IL17RD: variants seen among roughly 807,000 people sequenced by gnomAD.
IL17RD encodes interleukin-17 receptor D.
IL17RD carries 52 observed loss-of-function variants against 80.5 expected under a neutral mutation model. The ratio of observed to expected loss-of-function variants is 0.65; its 90% CI spans 0.52 to 0.81. IL17RD has a LOEUF of 0.81. Among genes scored for constraint, IL17RD ranks in the 40% least tolerant of loss-of-function variants. The probability of loss-of-function intolerance (pLI) is 0.00; values close to 1 mark genes in which losing one functional copy is unlikely to be tolerated. For synonymous variants in IL17RD, 416 were observed against 391.8 expected (o/e 1.06, Z -0.73); for missense variants, 1,024 against 955.1 (o/e 1.07, Z -0.95).
In IL17RD at chr3:57,095,248, T is replaced by C. The variant is rs1056153834; in HGVS notation, c.*1145A>G. 2.6e-5 allele frequency: 4 copies of C among 152,270 alleles called. No individual in the cohort carries two copies. The highest frequency in any genetic ancestry group is 6.5e-5 in the Admixed American group (1 of 15,280). 9.4% of individuals were successfully genotyped at this position (152,270 alleles called of 1,614,324 possible). On this transcript the variant is annotated 3_prime_UTR_variant, in exon 13 of 13. Coordinates refer to ENST00000296318, the MANE Select transcript of IL17RD (RefSeq NM_017563.5). Reference sequence around the variant, plus strand: ...TCCACAGGGGAGACCAAGACAGCATTCATTACACACATGCTAATCATCAGA... The same window carrying C: ...TCCACAGGGGAGACCAAGACAGCATCCATTACACACATGCTAATCATCAGA...
At position 57,155,195 on chromosome 3, in the gene IL17RD, A is replaced by G. The variant is rs115483219; in HGVS notation, c.126+9966T>C. ...CAAAAACGAGACCTGCACCTCTGTT[A>G]AGAAGACAAAGTTTCATACAAACTG... On this transcript the variant is annotated intron_variant, in intron 1 of 12. Coordinates refer to ENST00000296318, the MANE Select transcript of IL17RD (RefSeq NM_017563.5). Among the ~76,000 whole-genome samples the G allele has an allele frequency of 3.7e-3, 571 of 152,370 alleles. 3 individuals carry two copies. Among genetic ancestry groups the G allele is most frequent in the African/African-American group, 0.013 (542 of 41,598 alleles).
intron 7 of IL17RD, among the ~76,000 whole-genome samples, chr3:57,105,552 A>AAAAAAAAAAAAAAAAAAAAATAT: frequency 3.1e-5 from 2 of 63,588 alleles, no homozygotes; most frequent in Non-Finnish European, 5.6e-5. Flanking sequence ...AAAAAAAAAA[A>AAAAAAAAAAAAAAAAAAAAATAT]ATATATATAT....
chr3:57,147,889 T>A (rs1217857727), intron 1 of IL17RD, among the ~76,000 whole-genome samples: 1 of 152,182 alleles, frequency 6.6e-6, no homozygotes, highest in African/African-American at 2.4e-5. Context: ...AGCTTAATAC[T>A]CAGTAAGCTT....
chr3:57,156,931 T>C (rs999901065), intron 1 of IL17RD, among the ~76,000 whole-genome samples: 5 of 152,180 alleles, frequency 3.3e-5, no homozygotes, highest in African/African-American at 9.6e-5. Flanking sequence ...CCACGAACCA[T>C]TGAAATTCAA....
At chr3:57,129,432 A>G (rs1707561057) in intron 1 of IL17RD, among the ~76,000 whole-genome samples, 1 of 152,174 alleles carries the variant, frequency 6.6e-6, no homozygotes, top group African/African-American at 2.4e-5. Context: ...CACAACTACT[A>G]ATGAAAAGCC....
At chr3:57,110,070 C>G in intron 4 of IL17RD, 123 bp downstream of exon 4, 1 of 1,115,632 alleles carries the variant, frequency 9.0e-7, no homozygotes, top group Non-Finnish European at 1.3e-6. Context: ...CCATTCTTGC[C>G]CACCTTGGCG....
intron 2 of IL17RD, among the ~76,000 whole-genome samples, chr3:57,116,140 A>G (rs1445787139): frequency 6.6e-6 from 1 of 152,166 alleles, no homozygotes; most frequent in Non-Finnish European, 1.5e-5. Flanking sequence ...ACACTAAAAC[A>G]CAACCCCCAT....
upstream of IL17RD, among the ~76,000 whole-genome samples, chr3:57,166,728 C>G (rs548531389): frequency 6.6e-6 from 1 of 152,188 alleles, no homozygotes; most frequent in African/African-American, 2.4e-5. Flanking sequence ...CTGCACAGAA[C>G]TCCCCCCAGC....
chr3:57,098,096 C>A lies in IL17RD; in HGVS notation c.1607G>T (p.Ser536Ile). Residue 536 changes from serine (S) to isoleucine (I), a missense_variant, in exon 12 of 13, where the codon AGC (serine) becomes ATC (isoleucine). Coordinates refer to ENST00000296318, the MANE Select transcript of IL17RD (RefSeq NM_017563.5). ...GACGTATAGGGACCGGCCTGACTTG[C>A]TCCGGAAGTAGTTCCTTCTGCTGCC... ...RQGSRRNYFR[S>I]KSGRSLYVAI... The A allele has an allele frequency of 6.2e-7, 1 of 1,614,004 alleles. No homozygotes were observed. The highest frequency in any genetic ancestry group is 8.5e-7 in the Non-Finnish European group (1 of 1,179,896).
intron 1 of IL17RD, among the ~76,000 whole-genome samples, chr3:57,160,571 C>A (rs535538670): frequency 1.3e-5 from 2 of 152,198 alleles, no homozygotes; most frequent in African/African-American, 2.4e-5. Context: ...GCTTCTCCCC[C>A]GCCCCGCTTC....
At position 57,127,243 on chromosome 3, in the gene IL17RD, T is replaced by TATATATAAAA. The variant is rs1707485784; in HGVS notation, c.127-6931_127-6930insTTTTATATAT. 7.8e-5 allele frequency among the ~76,000 whole-genome samples: 6 copies of TATATATAAAA among 77,030 alleles called. No individual in the cohort carries two copies. In the East Asian group the frequency reaches 1.3e-3, roughly 17 times the overall value. The allele number at this position is 77,030 out of a possible 152,430, so 50.5% of individuals were successfully genotyped here. A position where few individuals can be genotyped will look rare whatever the true frequency, so the allele number is the denominator to read the frequency against. ...ATAAATATATATAAAAATATATAAATATATATATAAATATATATAAATATA... is the reference window on the plus strand; with the variant it reads ...ATAAATATATATAAAAATATATAAATATATATAAAAATATATATAAATATATATAAATATA... On this transcript the variant is annotated intron_variant, in intron 1 of 12. Transcript: ENST00000296318.
Position 57,098,206 on chromosome 3 carries a change from T to G in IL17RD, c.1497A>C (p.Arg499Ser), listed in dbSNP as rs529212596. The G allele has an allele frequency of 6.2e-7, 1 of 1,613,814 alleles. No individual in the cohort carries two copies. Among genetic ancestry groups the G allele is most frequent in the East Asian group, 2.2e-5 (1 of 44,880 alleles). The change falls in exon 12 of 13, where the codon AGA (arginine) becomes AGC (serine). Residue 499 changes from arginine (R) to serine (S), a missense_variant. Coordinates refer to ENST00000296318, the MANE Select transcript of IL17RD (RefSeq NM_017563.5). The stretch of plus-strand genomic sequence containing the variant: ...AGAGCTGAGGAAGATTGTCCATGAG[T>G]CTGTACTTGGTACTCAGGTCTAGGA... ...PGILDLSTKY[R>S]LMDNLPQLCS...
At chr3:57,106,215 C>CA in intron 5 of IL17RD, 61 bp from the exon 6 acceptor site, 1 of 1,216,670 alleles carries the variant, frequency 8.2e-7, no homozygotes, top group Non-Finnish European at 1.2e-6. Flanking sequence ...TTTCCTCTCC[C>CA]AACAACCCAA....
intron 3 of IL17RD, among the ~76,000 whole-genome samples, chr3:57,112,312 G>A (rs1202776010): frequency 6.6e-6 from 1 of 152,194 alleles, no homozygotes; most frequent in Admixed American, 6.5e-5. Flanking sequence ...TAGCTAACTG[G>A]CTTGCCCAGG....
chr3:57,113,021 T>C lies in IL17RD; in HGVS notation c.310+1671A>G, dbSNP rs191529450. On this transcript the variant is annotated intron_variant, in intron 3 of 12. Coordinates refer to ENST00000296318, the MANE Select transcript of IL17RD (RefSeq NM_017563.5). Reference sequence around the variant, plus strand: ...TACAGATTGGGAAGCTGGGGTTCAGTGAGGTTCAATGCCTCATGTGAAAGA... The same window carrying C: ...TACAGATTGGGAAGCTGGGGTTCAGCGAGGTTCAATGCCTCATGTGAAAGA... Among the ~76,000 whole-genome samples, 8 of 152,290 alleles carry C rather than the reference T, an allele frequency of 5.3e-5. No individual in the cohort carries two copies. In the East Asian group the frequency reaches 1.5e-3, roughly 29 times the overall value.
upstream of IL17RD, among the ~76,000 whole-genome samples, chr3:57,166,237 C>T (rs578035707): frequency 2.0e-5 from 3 of 152,178 alleles, no homozygotes; most frequent in Non-Finnish European, 4.4e-5. Context: ...TCCACTACCC[C>T]CTTCCTCAAG....
At chr3:57,103,840 G>C (rs1313152204) in intron 8 of IL17RD, among the ~76,000 whole-genome samples, 1 of 152,008 alleles carries the variant, frequency 6.6e-6, no homozygotes, top group South Asian at 2.1e-4. Flanking sequence ...GAGTAGCTGG[G>C]ATTACAGGCG....
Position 57,106,024 on chromosome 3 carries a change from A to C in IL17RD, c.596-16T>G. On this transcript the variant is annotated splice_polypyrimidine_tract_variant and intron_variant, in intron 6 of 12. Transcript: ENST00000296318. ...GGCTTCCAGACTGGAAGAAGGTAGG[A>C]CCCAGAGTGAGCAACCAGAGGCTAC... The C allele has an allele frequency of 6.2e-7, 1 of 1,613,686 alleles. No homozygotes were observed.
At position 57,104,352 on chromosome 3, in the gene IL17RD, T is replaced by C; in HGVS notation, c.803A>G (p.Tyr268Cys). 6.2e-7 allele frequency: 1 copy of C among 1,606,686 alleles called. No homozygotes were observed. Among genetic ancestry groups the C allele is most frequent in the South Asian group, 1.1e-5 (1 of 90,124 alleles). The change falls in exon 8 of 13, where the codon TAT becomes TGT. Residue 268 changes from tyrosine to cysteine, a missense_variant. By Grantham distance (194) the Tyr-to-Cys change is radical (BLOSUM62 -2). Transcript: ENST00000296318. ...TTGTGTTATGCATACCTCAATTATA[T>C]AATCCCCTGGAGAAACATTTTGAAG... ...CLLQNVSPGDYIIELVDDTNT... is the reference protein window; with the variant it reads ...CLLQNVSPGDCIIELVDDTNT...
Sources: allele counts gnomAD v4.1 joint callset (sites outside exome capture counted in the v4.1 genomes callset), GRCh38; gene constraint gnomAD v4.1.1; transcripts MANE v1.5; gene names NCBI Gene and HGNC (gene_info 2026-07-23, HGNC 2026-07-21).